CD2AP: variants seen among roughly 807,000 people sequenced by gnomAD.
The protein encoded by CD2AP is CD2-associated protein.
CD2AP carries 46 observed loss-of-function variants against 85.1 expected under a neutral mutation model. The observed-to-expected ratio is 0.54, with a 90% CI of 0.43 to 0.69. The LOEUF (loss-of-function observed/expected upper bound fraction) is 0.69, where lower values mean the gene tolerates loss of function less well. CD2AP is among the 30% of genes least tolerant of loss of function. The pLI is 0.00. For synonymous variants in CD2AP, 255 were observed against 252.9 expected (o/e 1.01, Z -0.08); for missense variants, 769 against 729.5 (o/e 1.05, Z -0.62).
Position 47,554,660 on chromosome 6 carries a change from G to A in CD2AP, c.435G>A (p.Trp145Ter). ...IDINEEVEEG[W>*]WSGTLNNKLG... The stretch of plus-strand genomic sequence containing the variant: ...AACTTTTTCAGGTAGAAGAAGGCTG[G>A]TGGAGTGGAACCCTGAATAACAAGT... The change falls in exon 5 of 18, where the codon TGG becomes TGA. Residue 145 changes from tryptophan (W) to a stop codon, truncating the protein, a stop_gained. Transcript: ENST00000359314. LOFTEE classifies it high-confidence loss of function. 1 of 1,613,692 alleles carries A rather than the reference G, an allele frequency of 6.2e-7. No individual in the cohort carries two copies. The highest frequency in any genetic ancestry group is 8.5e-7 in the Non-Finnish European group (1 of 1,179,764).
chr6:47,601,732 A>C (rs780732823), intron 13 of CD2AP, among the ~76,000 whole-genome samples: 9 of 151,996 alleles, frequency 5.9e-5, no homozygotes, highest in Non-Finnish European at 1.2e-4. Context: ...TACAGCCTCA[A>C]ATATAATGTG....
intron 3 of CD2AP, among the ~76,000 whole-genome samples, chr6:47,542,194 C>G (rs1050014380): frequency 6.6e-6 from 1 of 152,100 alleles, no homozygotes; most frequent in African/African-American, 2.4e-5. Context: ...AGTTTTATCA[C>G]TAATTTTTTT....
intron 4 of CD2AP, among the ~76,000 whole-genome samples, chr6:47,549,115 T>G (rs1486201807): frequency 1.3e-5 from 2 of 152,108 alleles, no homozygotes; most frequent in Non-Finnish European, 2.9e-5. Context: ...GGGGAAAAAT[T>G]GAAAGCATTC....
In CD2AP at chr6:47,533,596, T is replaced by G. The variant is rs1256515248; in HGVS notation, c.166-6T>G. On this transcript the variant is annotated splice_region_variant and splice_polypyrimidine_tract_variant and intron_variant, in intron 2 of 17. Transcript: ENST00000359314. ...CTTGCCTCTTTATTTATTTTCCCTTTTGTAGGAAATTAAAAGAGAGACGGA... is the reference window on the plus strand; with the variant it reads ...CTTGCCTCTTTATTTATTTTCCCTTGTGTAGGAAATTAAAAGAGAGACGGA... The G allele has an allele frequency of 6.2e-7, 1 of 1,613,092 alleles. No individual in the cohort carries two copies. The highest frequency in any genetic ancestry group is 1.3e-5 in the African/African-American group (1 of 75,000).
At chr6:47,570,147 T>C in intron 5 of CD2AP, among the ~76,000 whole-genome samples, 1 of 152,212 alleles carries the variant, frequency 6.6e-6, no homozygotes, top group South Asian at 2.1e-4. Flanking sequence ...ATTTCTTTTT[T>C]TTTTTTAAGC....
At chr6:47,616,729 G>T (rs1582630210) in intron 17 of CD2AP, among the ~76,000 whole-genome samples, 1 of 152,080 alleles carries the variant, frequency 6.6e-6, no homozygotes, top group African/African-American at 2.4e-5. Flanking sequence ...GAAAACAACT[G>T]CCATCCTCTT....
chr6:47,505,630 C>T (rs1766128945), intron 2 of CD2AP, among the ~76,000 whole-genome samples: 1 of 124,272 alleles, frequency 8.0e-6, no homozygotes, highest in Admixed American at 9.4e-5. Context: ...GGGCTGACCC[C>T]CCCCACCTCC....
chr6:47,576,418 A>T, intron 6 of CD2AP, 106 bp from the exon 7 acceptor site: 3 of 799,028 alleles, frequency 3.8e-6, no homozygotes, highest in Non-Finnish European at 6.6e-6. Context: ...TATCCTAGCT[A>T]TAAGTACCAT....
intron 2 of CD2AP, among the ~76,000 whole-genome samples, chr6:47,528,712 A>G (rs892483419): frequency 2.0e-5 from 3 of 152,192 alleles, no homozygotes; most frequent in African/African-American, 7.2e-5. Context: ...AGTCACAAAA[A>G]GGGTCACAAG....
In CD2AP at chr6:47,543,189, A is replaced by G. The variant is rs557281047; in HGVS notation, c.320-1417A>G. Among the ~76,000 whole-genome samples, 6 of 125,300 alleles carry G rather than the reference A, an allele frequency of 4.8e-5. No homozygotes were observed. In the South Asian group the frequency reaches 1.7e-3, roughly 35 times the overall value. 82.2% of individuals were successfully genotyped at this position (125,300 alleles called of 152,430 possible). ...AAAAAAAAAGAAAAAGAAAAAAGAA[A>G]AAAAAGAAAAAGAAAGCTATTTGGG... On this transcript the variant is annotated intron_variant, in intron 3 of 17. Transcript: ENST00000359314.
chr6:47,589,901 A>G (rs1022057500), intron 11 of CD2AP, among the ~76,000 whole-genome samples: 1 of 152,110 alleles, frequency 6.6e-6, no homozygotes, highest in Non-Finnish European at 1.5e-5. Flanking sequence ...ACTCTGAGGA[A>G]CACTGAAGTT....
intron 9 of CD2AP, 103 bp from the exon 10 acceptor site, chr6:47,580,761 A>AG: frequency 1.3e-6 from 1 of 794,664 alleles, no homozygotes; most frequent in South Asian, 1.6e-5. Context: ...TTGAATGAAG[A>AG]GGAGAGACAT....
At chr6:47,525,222 ATTC>A (rs1011601788) in intron 2 of CD2AP, among the ~76,000 whole-genome samples, 3 of 152,128 alleles carry the variant, frequency 2.0e-5, no homozygotes, top group African/African-American at 4.8e-5. Context: ...TAAACATTTA[ATTC>A]TTATTTTCCT....
chr6:47,478,912 C>T (rs778976053), intron 1 of CD2AP, among the ~76,000 whole-genome samples: 2 of 152,044 alleles, frequency 1.3e-5, no homozygotes, highest in African/African-American at 2.4e-5. Flanking sequence ...AGTTAGACTT[C>T]CTTGCCGGAG....
At chr6:47,497,245 T>C (rs147894238) in intron 1 of CD2AP, among the ~76,000 whole-genome samples, 1 of 83,046 alleles carries the variant, frequency 1.2e-5, no homozygotes, top group Admixed American at 1.1e-4. Context: ...TTTCCTTTTC[T>C]TTTTTCCTTT....
At chr6:47,560,643 T>G (rs927108881) in intron 5 of CD2AP, among the ~76,000 whole-genome samples, 3 of 152,164 alleles carry the variant, frequency 2.0e-5, no homozygotes, top group Admixed American at 2.0e-4. Flanking sequence ...CGATGTCTTA[T>G]GTAATATTTG....
intron 5 of CD2AP, among the ~76,000 whole-genome samples, chr6:47,564,549 AC>A (rs1767942695): frequency 6.6e-6 from 1 of 152,046 alleles, no homozygotes; most frequent in African/African-American, 2.4e-5. Flanking sequence ...TCTTTGTTTA[AC>A]CCTTTTACAA....
chr6:47,571,742 A>G (rs1768158583), intron 5 of CD2AP, among the ~76,000 whole-genome samples: 2 of 152,168 alleles, frequency 1.3e-5, no homozygotes, highest in South Asian at 4.1e-4. Flanking sequence ...ATGCTTATAC[A>G]AGGCCAAGAA....
intron 1 of CD2AP, among the ~76,000 whole-genome samples, chr6:47,479,746 G>C (rs773888673): frequency 6.6e-6 from 1 of 152,052 alleles, no homozygotes; most frequent in Non-Finnish European, 1.5e-5. Flanking sequence ...TGGGGATGCA[G>C]TCTTGTTTTG....
Sources: allele counts gnomAD v4.1 joint callset (sites outside exome capture counted in the v4.1 genomes callset), GRCh38; gene constraint gnomAD v4.1.1; transcripts MANE v1.5; gene names NCBI Gene and HGNC (gene_info 2026-07-23, HGNC 2026-07-21).